Variants in ERI1 observed in about 807,000 individuals in gnomAD.
ERI1 encodes the protein 3'-5' exoribonuclease 1.
ERI1 carries 39 observed loss-of-function variants against 39.7 expected under a neutral mutation model. That is an observed-to-expected ratio of 0.98 (90% CI 0.76 to 1.28). ERI1 has a LOEUF of 1.28. Among genes scored for constraint, ERI1 ranks in the 50% most tolerant of loss-of-function variants. The pLI, the probability that ERI1 is intolerant of heterozygous loss-of-function variation, is 0.00. For synonymous variants in ERI1, 204 were observed against 149.6 expected (o/e 1.36, Z -2.65); for missense variants, 581 against 416.9 (o/e 1.39, Z -3.43).
chr8:9,003,101 C>T lies in ERI1; in HGVS notation c.38C>T (p.Ala13Val), dbSNP rs768829769. 3.2e-6 allele frequency: 4 copies of T among 1,247,366 alleles called. No individual in the cohort carries two copies. Among genetic ancestry groups the T allele is most frequent in the East Asian group, 6.3e-5 (2 of 31,770 alleles). The allele number at this position is 1,247,366 out of a possible 1,614,324, so 77.3% of individuals were successfully genotyped here. Residue 13 changes from alanine (A) to valine (V), a missense_variant, in exon 1 of 7, where the codon GCC becomes GTC. By Grantham distance (64) the Ala-to-Val change is moderately conservative. Transcript: ENST00000250263. The stretch of plus-strand genomic sequence containing the variant: ...CAGAGTAAAGAGCCTGCCGGCGAGG[C>T]CGTGGCTCTCGCGCTGCTGGAGTCG... ...DPQSKEPAGE[A>V]VALALLESPR...
intron 3 of ERI1, among the ~76,000 whole-genome samples, chr8:9,089,044 C>T (rs1172061684): frequency 6.6e-6 from 1 of 152,170 alleles, no homozygotes; most frequent in African/African-American, 2.4e-5. Context: ...GGCTCAACCA[C>T]TTCCTCACTG....
rs1053787843 is a variant in ERI1 at position 9,030,172 on chromosome 8, A to T, written c.*138A>T. 4.2e-5 allele frequency: 49 copies of T among 1,155,034 alleles called. No homozygotes were observed. Among genetic ancestry groups the T allele is most frequent in the Non-Finnish European group, 5.0e-5 (42 of 833,674 alleles). 71.5% of individuals were successfully genotyped at this position (1,155,034 alleles called of 1,614,324 possible). On this transcript the variant is annotated 3_prime_UTR_variant, in exon 7 of 7. Coordinates refer to ENST00000250263, the MANE Select transcript of ERI1 (RefSeq NM_153332.4). ...ATCTTATTACAGGTGATAGAGATAG[A>T]TACATGTATGTGAACAGATTTTGTA...
intron 1 of ERI1, among the ~76,000 whole-genome samples, chr8:9,007,475 G>A (rs1158200780): frequency 6.6e-6 from 1 of 152,196 alleles, no homozygotes; most frequent in Non-Finnish European, 1.5e-5. Context: ...TGTATAGCCT[G>A]TGATATTAAT....
chr8:9,056,306 T>A (rs1798505378), intron 3 of ERI1, among the ~76,000 whole-genome samples: 1 of 152,220 alleles, frequency 6.6e-6, no homozygotes, highest in Admixed American at 6.5e-5. Context: ...CTACCTCTGT[T>A]GTGATTTGAC....
intron 3 of ERI1, among the ~76,000 whole-genome samples, chr8:9,062,023 T>A (rs1359615362): frequency 6.6e-6 from 1 of 152,106 alleles, no homozygotes; most frequent in Non-Finnish European, 1.5e-5. Flanking sequence ...ACAATTTGGT[T>A]GATAAGGCAC....
intron 6 of ERI1, 42 bp from the exon 7 acceptor site, chr8:9,029,750 T>A (rs747400757): frequency 6.2e-7 from 1 of 1,610,452 alleles, no homozygotes; most frequent in East Asian, 2.2e-5. Context: ...TATTACAGTT[T>A]AGAACACCAA....
chr8:9,016,459 G>A lies in ERI1; in HGVS notation c.582+54G>A, dbSNP rs576466474. The A allele has an allele frequency of 1.9e-4, 220 of 1,128,466 alleles. No individual in the cohort carries two copies. The African/African-American group carries it at 3.1e-3, about 16-fold the overall frequency. 69.9% of individuals were successfully genotyped at this position (1,128,466 alleles called of 1,614,324 possible). A position where few individuals can be genotyped will look rare whatever the true frequency, so the allele number is the denominator to read the frequency against. ...GTTTGAAAGAGTTCTTGAAATTAGGGATTTATTTTATACATAATTTAAAAA... is the reference window on the plus strand; with the variant it reads ...GTTTGAAAGAGTTCTTGAAATTAGGAATTTATTTTATACATAATTTAAAAA... On this transcript the variant is annotated intron_variant, in intron 4 of 6. Transcript: ENST00000250263.
chr8:9,080,361 GA>G (rs1799331803), intron 3 of ERI1, among the ~76,000 whole-genome samples: 1 of 152,220 alleles, frequency 6.6e-6, no homozygotes, highest in Admixed American at 6.5e-5. Flanking sequence ...ATGTTCATGT[GA>G]TGTCCTGACA....
At position 9,030,359 on chromosome 8, in the gene ERI1, G is replaced by T. The variant is rs1395759269; in HGVS notation, c.*325G>T. On this transcript the variant is annotated 3_prime_UTR_variant, in exon 7 of 7. Transcript: ENST00000250263. ...AATCTTATTGGCTGTTCTGTTGAAT[G>T]TCATATCTTACTGGTGTTTAAATAT... 1 of 256,298 alleles carries T rather than the reference G, an allele frequency of 3.9e-6. No homozygotes were observed. The highest frequency in any genetic ancestry group is 7.7e-6 in the Non-Finnish European group (1 of 129,794). The allele number at this position is 256,298 out of a possible 1,614,324, so 15.9% of individuals were successfully genotyped here. A position where few individuals can be genotyped will look rare whatever the true frequency, so the allele number is the denominator to read the frequency against.
chr8:9,051,934 G>T lies in ERI1; in HGVS notation n.299+31470G>T, dbSNP rs371743494. On this transcript the variant is annotated intron_variant and non_coding_transcript_variant, in intron 3 of 3. Coordinates refer to the ERI1 transcript ENST00000518663. The stretch of plus-strand genomic sequence containing the variant: ...GCCATCCTTAGAGAGTGAGTATGGT[G>T]TAAGGATTGAGAGCCCAGGCTCAGA... 5.2e-4 allele frequency among the ~76,000 whole-genome samples: 79 copies of T among 152,346 alleles called. 2 individuals carry two copies. The South Asian group carries it at 0.016, about 31-fold the overall frequency.
intron 3 of ERI1, among the ~76,000 whole-genome samples, chr8:9,097,604 AGTT>A (rs1384859784): frequency 6.6e-6 from 1 of 151,010 alleles, no homozygotes; most frequent in Non-Finnish European, 1.5e-5. Flanking sequence ...GGGCGGCAGA[AGTT>A]GTAGTGAGCC....
intron 1 of ERI1, among the ~76,000 whole-genome samples, 184 bp from the exon 2 acceptor site, chr8:9,007,786 A>G (rs1364370317): frequency 3.9e-5 from 6 of 152,136 alleles, no homozygotes; most frequent in Non-Finnish European, 7.4e-5. Context: ...GGTAAATTGT[A>G]TTGGAGACGC....
In ERI1 at chr8:9,070,615, C is replaced by T. The variant is rs576129043; in HGVS notation, n.300-45733C>T. ...CATTTCCCAACTACTTATTCACCCA[C>T]GGAACATTCCTAATGAACACACACA... On this transcript the variant is annotated intron_variant and non_coding_transcript_variant, in intron 3 of 3. Transcript: ENST00000518663. Among the ~76,000 whole-genome samples the T allele has an allele frequency of 3.3e-5, 5 of 152,328 alleles. No individual in the cohort carries two copies. The East Asian group carries it at 5.8e-4, about 18-fold the overall frequency.
intron 3 of ERI1, among the ~76,000 whole-genome samples, chr8:9,059,842 A>AAT (rs1798633755): frequency 6.6e-6 from 1 of 152,212 alleles, no homozygotes; most frequent in Admixed American, 6.5e-5. Flanking sequence ...GAGAATGGTG[A>AAT]ATAGGAGTAT....
At chr8:9,079,969 C>T (rs1480965730) in intron 3 of ERI1, among the ~76,000 whole-genome samples, 1 of 148,642 alleles carries the variant, frequency 6.7e-6, no homozygotes, top group East Asian at 1.9e-4. Context: ...CTATGCTTGG[C>T]CCACAAGCAG....
intron 3 of ERI1, among the ~76,000 whole-genome samples, chr8:9,040,477 G>A (rs1436756357): frequency 6.6e-6 from 1 of 152,164 alleles, no homozygotes; most frequent in South Asian, 2.1e-4. Context: ...TTGTTTTGTA[G>A]AACGGAAGAA....
intron 6 of ERI1, among the ~76,000 whole-genome samples, chr8:9,025,876 T>C (rs139025688): frequency 8.7e-4 from 132 of 152,268 alleles, no homozygotes; most frequent in African/African-American, 3.0e-3. Flanking sequence ...ACTCTAAATA[T>C]GAAATTCATT....
chr8:9,027,769 A>G (rs1310440336), intron 6 of ERI1, among the ~76,000 whole-genome samples: 1 of 152,196 alleles, frequency 6.6e-6, no homozygotes, highest in Non-Finnish European at 1.5e-5. Context: ...TGTATTTGTG[A>G]AAGTTTATTT....
At chr8:9,035,848 C>G (rs1246792145), downstream of ERI1, among the ~76,000 whole-genome samples, 4 of 152,196 alleles carry the variant, frequency 2.6e-5, no homozygotes, top group Non-Finnish European at 4.4e-5. Context: ...TTCTGAATGC[C>G]ATTACAAGCA....
Sources: gnomAD v4.1 joint callset for allele counts (sites outside exome capture counted in the v4.1 genomes callset) on GRCh38, gnomAD v4.1.1 for gene constraint, MANE v1.5 for transcripts, NCBI Gene and HGNC (gene_info 2026-07-23, HGNC 2026-07-21) for gene names.